The following DLGAP1 variants were observed in gnomAD, a reference collection of about 807,000 sequenced individuals.
The protein encoded by DLGAP1 is DLG associated protein 1.
A neutral mutation model predicts 90.8 loss-of-function variants in DLGAP1; 11 were observed. The ratio of observed to expected loss-of-function variants is 0.12; its 90% confidence interval spans 0.08 to 0.20. The LOEUF is 0.20. Among genes scored for constraint, DLGAP1 ranks in the 10% least tolerant of loss-of-function variants. The pLI, the probability that DLGAP1 is intolerant of heterozygous loss-of-function variation, is 1.00. For synonymous variants in DLGAP1, 558 were observed against 540.7 expected (o/e 1.03, Z -0.44); for missense variants, 1,050 against 1,333.8 (o/e 0.79, Z 3.31).
At chr18:4,053,163 C>T (rs2075160941) in intron 2 of DLGAP1, among the ~76,000 whole-genome samples, 1 of 152,174 alleles carries the variant, frequency 6.6e-6, no homozygotes, top group Admixed American at 6.5e-5. Context: ...TCTGTTCTCA[C>T]ACTGCTAATA....
chr18:3,768,139 T>C (rs1012517893), intron 5 of DLGAP1, among the ~76,000 whole-genome samples: 7 of 152,152 alleles, frequency 4.6e-5, no homozygotes, highest in Non-Finnish European at 8.8e-5. Flanking sequence ...CAAAAATCAG[T>C]TGTATTTCTC....
rs1489771748 is a variant in DLGAP1 at position 4,099,303 on chromosome 18, CT to C, written c.-159+51876del. On this transcript the variant is annotated intron_variant, in intron 2 of 12. Coordinates refer to ENST00000315677, the MANE Select transcript of DLGAP1 (RefSeq NM_004746.4). ...ATCTATCTATCTGTCTATCATCTAT[CT>C]ATCTATCTATCTATCTATCTATCTA... Among the ~76,000 whole-genome samples, 63 of 47,556 alleles carry C rather than the reference CT, an allele frequency of 1.3e-3. No individual in the cohort carries two copies. The South Asian group carries it at 0.019, about 15-fold the overall frequency. 31.2% of individuals were successfully genotyped at this position (47,556 alleles called of 152,430 possible). A position where few individuals can be genotyped will look rare whatever the true frequency, so the allele number is the denominator to read the frequency against.
chr18:4,287,999 G>A (rs1598819538), intron 1 of DLGAP1, among the ~76,000 whole-genome samples: 1 of 152,114 alleles, frequency 6.6e-6, no homozygotes, highest in African/African-American at 2.4e-5. Context: ...TTACAGGCTT[G>A]TGTTAAGAAT....
chr18:4,219,023 CTTTGT>C (rs2078020321), intron 1 of DLGAP1, among the ~76,000 whole-genome samples: 1 of 79,992 alleles, frequency 1.3e-5, no homozygotes, highest in African/African-American at 5.2e-5. Context: ...CTAGTTCTAT[CTTTGT>C]TTTTTTTTTT....
chr18:4,296,956 C>A (rs1452372735), intron 1 of DLGAP1, among the ~76,000 whole-genome samples: 1 of 152,140 alleles, frequency 6.6e-6, no homozygotes, highest in Non-Finnish European at 1.5e-5. Flanking sequence ...AGTGATGCAT[C>A]ATCTGGAGTT....
chr18:4,408,040 C>T (rs2082701326), intron 1 of DLGAP1, among the ~76,000 whole-genome samples: 1 of 151,982 alleles, frequency 6.6e-6, no homozygotes, highest in Admixed American at 6.6e-5. Context: ...TCATACAAAT[C>T]TGTAATCAAG....
intron 7 of DLGAP1, chr18:3,604,394 T>A (rs1362142740): frequency 6.6e-6 from 1 of 152,156 alleles, no homozygotes; most frequent in Admixed American, 6.6e-5. Flanking sequence ...TGGAGTTACA[T>A]GTTTTTCTTG....
At chr18:3,858,527 T>TATATATAC (rs1282315871) in intron 4 of DLGAP1, among the ~76,000 whole-genome samples, 2 of 141,046 alleles carry the variant, frequency 1.4e-5, no homozygotes, top group African/African-American at 5.4e-5. Context: ...TATATATATA[T>TATATATAC]GCACACACAC....
chr18:3,825,127 A>C (rs999866297), intron 4 of DLGAP1, among the ~76,000 whole-genome samples: 104 of 152,322 alleles, frequency 6.8e-4, no homozygotes, highest in African/African-American at 2.5e-3. Context: ...TAGTTATCCA[A>C]ATCAGTGCTT....
intron 3 of DLGAP1, among the ~76,000 whole-genome samples, chr18:3,982,521 G>A (rs1174097529): frequency 6.6e-6 from 1 of 152,148 alleles, no homozygotes; most frequent in Non-Finnish European, 1.5e-5. Context: ...GTGATTTGGT[G>A]CTGGTAATTA....
chr18:3,886,786 G>A (rs538349903), intron 3 of DLGAP1, among the ~76,000 whole-genome samples: 1 of 152,340 alleles, frequency 6.6e-6, no homozygotes, highest in African/African-American at 2.4e-5. Context: ...CTCCCTAGAT[G>A]TGCCTGGGTG....
intron 8 of DLGAP1, among the ~76,000 whole-genome samples, chr18:3,576,571 T>A (rs1049318518): frequency 7.9e-5 from 12 of 150,970 alleles, no homozygotes; most frequent in African/African-American, 2.9e-4. Context: ...AGCTCCTTTT[T>A]TTTTTTTTTT....
chr18:4,055,760 T>C (rs979325038), intron 2 of DLGAP1, among the ~76,000 whole-genome samples: 6 of 152,146 alleles, frequency 3.9e-5, no homozygotes, highest in Non-Finnish European at 7.3e-5. Context: ...TGGTGAGATG[T>C]GTGTGGGCCA....
At chr18:3,642,159 C>T (rs923373475) in intron 7 of DLGAP1, among the ~76,000 whole-genome samples, 1 of 152,198 alleles carries the variant, frequency 6.6e-6, no homozygotes, top group East Asian at 1.9e-4. Flanking sequence ...TAGATTGTGC[C>T]TGGAAGCATT....
intron 1 of DLGAP1, among the ~76,000 whole-genome samples, chr18:4,354,760 T>C (rs1248643954): frequency 6.6e-6 from 1 of 151,790 alleles, no homozygotes; most frequent in Non-Finnish European, 1.5e-5. Context: ...CCCATCCTTG[T>C]ATATACATGT....
At chr18:4,091,200 C>T (rs2075768860) in intron 2 of DLGAP1, among the ~76,000 whole-genome samples, 1 of 152,062 alleles carries the variant, frequency 6.6e-6, no homozygotes, top group Non-Finnish European at 1.5e-5. Flanking sequence ...TCATGTTTGC[C>T]TATGTAACAA....
intron 7 of DLGAP1, among the ~76,000 whole-genome samples, chr18:3,705,739 A>G (rs192997673): frequency 1.3e-5 from 2 of 151,220 alleles, no homozygotes; most frequent in African/African-American, 4.9e-5. Context: ...GCTCACTACA[A>G]CCTCTGCCTC....
intron 7 of DLGAP1, among the ~76,000 whole-genome samples, chr18:3,605,804 G>A (rs756357870): frequency 5.3e-5 from 7 of 132,942 alleles, no homozygotes; most frequent in Non-Finnish European, 7.9e-5. Context: ...CCAAGGTCAC[G>A]GAGCTTTTTA....
intron 1 of DLGAP1, among the ~76,000 whole-genome samples, chr18:4,176,786 C>G (rs1033050943): frequency 5.3e-5 from 8 of 152,182 alleles, no homozygotes; most frequent in African/African-American, 1.9e-4. Flanking sequence ...CAAGACAGGA[C>G]TTTGTGTGAG....
Sources: gnomAD v4.1 joint callset for allele counts (sites outside exome capture counted in the v4.1 genomes callset) on GRCh38, gnomAD v4.1.1 for gene constraint, MANE v1.5 for transcripts, NCBI Gene and HGNC (gene_info 2026-07-23, HGNC 2026-07-21) for gene names.